GPRIN3: variants seen among roughly 807,000 people sequenced by gnomAD.
The protein encoded by GPRIN3 is GPRIN family member 3, also known as G protein-regulated inducer of neurite outgrowth 3.
Under a neutral mutation model 13.7 loss-of-function variants are expected in GPRIN3, and 12 were observed. The ratio of observed to expected loss-of-function variants is 0.87; its 90% CI spans 0.56 to 1.42. The LOEUF (loss-of-function observed/expected upper bound fraction) is 1.42. Among genes scored for constraint, GPRIN3 ranks in the 40% most tolerant of loss-of-function variants. The probability of loss-of-function intolerance (pLI) is 0.00; values close to 1 mark genes in which losing one functional copy is unlikely to be tolerated. For missense variants in GPRIN3, 1,009 were observed against 958.7 expected, an observed-to-expected ratio of 1.05 and a Z score of -0.69; for synonymous variants, 377 against 372.7, an observed-to-expected ratio of 1.01 and a Z score of -0.13.
In GPRIN3 at chr4:89,247,748, A is replaced by G; in HGVS notation, c.*32T>C. 6.4e-7 allele frequency: 1 copy of G among 1,563,802 alleles called. No homozygotes were observed. The highest frequency in any genetic ancestry group is 8.7e-7 in the Non-Finnish European group (1 of 1,153,042). On this transcript the variant is annotated 3_prime_UTR_variant, in exon 2 of 2. Transcript: ENST00000609438. ...AGAGGGACGCATGTGAATACCGTAA[A>G]TTTATACACAAACTCCCATAAATAC...
At chr4:89,269,446 A>C (rs1466152399) in intron 1 of GPRIN3, among the ~76,000 whole-genome samples, 1 of 152,100 alleles carries the variant, frequency 6.6e-6, no homozygotes, top group African/African-American at 2.4e-5. Flanking sequence ...TACAAGCCCC[A>C]TCTGCGCAGT....
chr4:89,248,697 A>T lies in GPRIN3; in HGVS notation c.1414T>A (p.Ser472Thr). ...TCAGCTTGACTGCATGCACTGATAG[A>T]AATCTGGTCAATGGCGGTAGCTTTC... Reference protein sequence around the residue: ...SLKATAIDQISISACSQAETS... With the variant: ...SLKATAIDQITISACSQAETS... Residue 472 changes from serine (S) to threonine (T), a missense_variant, in exon 2 of 2, where the codon TCT becomes ACT. Transcript: ENST00000609438. The T allele has an allele frequency of 6.2e-7, 1 of 1,614,162 alleles. No homozygotes were observed. The highest frequency in any genetic ancestry group is 8.5e-7 in the Non-Finnish European group (1 of 1,180,022).
chr4:89,256,996 G>A (rs1723483943), intron 1 of GPRIN3, among the ~76,000 whole-genome samples: 1 of 152,200 alleles, frequency 6.6e-6, no homozygotes, highest in African/African-American at 2.4e-5. Flanking sequence ...ACAGCCACAG[G>A]CTGGGAAGAG....
Position 89,248,818 on chromosome 4 carries a change from C to A in GPRIN3, c.1293G>T (p.Gln431His), listed in dbSNP as rs375829856. Residue 431 changes from glutamine (Q) to histidine (H), a missense_variant, in exon 2 of 2, where the codon CAG becomes CAT. Coordinates refer to ENST00000609438, the MANE Select transcript of GPRIN3 (RefSeq NM_198281.3). Reference sequence around the variant, plus strand: ...ACCTCCCATCTTCTTTACACGTATGCTGGGCATTACTGGAGACCAAATTGA... The same window carrying A: ...ACCTCCCATCTTCTTTACACGTATGATGGGCATTACTGGAGACCAAATTGA... ...SSINLVSSNA[Q>H]HTCKEDGRLA... 5.0e-6 allele frequency: 8 copies of A among 1,614,062 alleles called. No individual in the cohort carries two copies. The highest frequency in any genetic ancestry group is 6.8e-6 in the Non-Finnish European group (8 of 1,180,018).
Position 89,247,027 on chromosome 4 carries a change from G to A in GPRIN3, c.*753C>T, listed in dbSNP as rs191978953. 12 of 152,234 alleles carry A rather than the reference G, an allele frequency of 7.9e-5. No individual in the cohort carries two copies. The highest frequency in any genetic ancestry group is 4.6e-4 in the Admixed American group (7 of 15,288). 9.4% of individuals were successfully genotyped at this position (152,234 alleles called of 1,614,324 possible). ...TGTCTGGTCAGAATCACAGAGATGC[G>A]CCTTGCCTTCAGTGCAGGAAAATGG... On this transcript the variant is annotated 3_prime_UTR_variant, in exon 2 of 2. Transcript: ENST00000609438.
At chr4:89,289,124 C>G (rs1724502768) in intron 1 of GPRIN3, among the ~76,000 whole-genome samples, 2 of 150,158 alleles carry the variant, frequency 1.3e-5, no homozygotes, top group African/African-American at 2.5e-5. Context: ...CCTCTTCTTT[C>G]CTGTCCTTGA....
chr4:89,291,830 C>CTTT lies in GPRIN3; in HGVS notation c.-124+15782_-124+15784dup, dbSNP rs33981386. ...TTACCAACACTTGGTACTGTCAGGG[C>CTTT]TTTTTTTTTTTTTTTTTTCTCTACT... On this transcript the variant is annotated intron_variant, in intron 1 of 1. Transcript: ENST00000609438. Among the ~76,000 whole-genome samples, 251 of 115,846 alleles carry CTTT rather than the reference C, an allele frequency of 2.2e-3. 1 individual carries two copies. Among genetic ancestry groups the CTTT allele is most frequent in the Middle Eastern group, 9.0e-3 (2 of 222 alleles). 76.0% of individuals were successfully genotyped at this position (115,846 alleles called of 152,430 possible). A position where few individuals can be genotyped will look rare whatever the true frequency, so the allele number is the denominator to read the frequency against.
intron 1 of GPRIN3, among the ~76,000 whole-genome samples, chr4:89,289,193 G>T (rs190191568): frequency 1.3e-5 from 2 of 150,240 alleles, no homozygotes; most frequent in East Asian, 3.9e-4. Flanking sequence ...TTCAAGCCAG[G>T]CATCTCCCTT....
intron 1 of GPRIN3, among the ~76,000 whole-genome samples, chr4:89,301,710 A>C (rs1724902915): frequency 6.6e-6 from 1 of 152,240 alleles, no homozygotes; most frequent in Non-Finnish European, 1.5e-5. Context: ...ACTTGGATGG[A>C]CTATTTGCAA....
intron 1 of GPRIN3, among the ~76,000 whole-genome samples, chr4:89,298,702 T>TA (rs1724810116): frequency 6.6e-6 from 1 of 151,964 alleles, no homozygotes; most frequent in Non-Finnish European, 1.5e-5. Context: ...AAGTGCTCGA[T>TA]ACAGATTTAT....
intron 1 of GPRIN3, among the ~76,000 whole-genome samples, chr4:89,285,081 CA>C (rs1457975624): frequency 7.9e-5 from 12 of 152,150 alleles, no homozygotes; most frequent in African/African-American, 2.9e-4. Context: ...AGGGGACAGA[CA>C]GCTTTGACTC....
At chr4:89,283,577 A>G (rs1011729392) in intron 1 of GPRIN3, among the ~76,000 whole-genome samples, 1 of 152,104 alleles carries the variant, frequency 6.6e-6, no homozygotes, top group Non-Finnish European at 1.5e-5. Flanking sequence ...ATAAAGGGAG[A>G]CTGGACTACG....
At chr4:89,270,243 A>G (rs879755226) in intron 1 of GPRIN3, among the ~76,000 whole-genome samples, 2 of 152,036 alleles carry the variant, frequency 1.3e-5, no homozygotes, top group Non-Finnish European at 2.9e-5. Context: ...AAGATGGTAG[A>G]TTAATATTGA....
chr4:89,240,007 T>C lies in GPRIN3; in HGVS notation c.*7773A>G, dbSNP rs1455552581. On this transcript the variant is annotated 3_prime_UTR_variant, in exon 2 of 2. Coordinates refer to ENST00000609438, the MANE Select transcript of GPRIN3 (RefSeq NM_198281.3). ...GATACCCAACCAACGTAATTTTTAG[T>C]GTCGAGGATTCAAGGTCAAATTGTG... 1.3e-5 allele frequency: 2 copies of C among 152,168 alleles called. No homozygotes were observed. Among genetic ancestry groups the C allele is most frequent in the African/African-American group, 4.8e-5 (2 of 41,434 alleles). The allele number at this position is 152,168 out of a possible 1,614,324, so 9.4% of individuals were successfully genotyped here. A position where few individuals can be genotyped will look rare whatever the true frequency, so the allele number is the denominator to read the frequency against.
At position 89,287,358 on chromosome 4, in the gene GPRIN3, T is replaced by C. The variant is rs549120022; in HGVS notation, c.-124+20257A>G. Among the ~76,000 whole-genome samples, 11 of 152,360 alleles carry C rather than the reference T, an allele frequency of 7.2e-5. No individual in the cohort carries two copies. In the South Asian group the frequency reaches 2.3e-3, roughly 32 times the overall value. On this transcript the variant is annotated intron_variant, in intron 1 of 1. Coordinates refer to ENST00000609438, the MANE Select transcript of GPRIN3 (RefSeq NM_198281.3). Reference sequence around the variant, plus strand: ...TGCATATAATTTTATTTCCTTAAGCTACTGAAATTTTGGGGTTGTATATGT... The same window carrying C: ...TGCATATAATTTTATTTCCTTAAGCCACTGAAATTTTGGGGTTGTATATGT...
intron 1 of GPRIN3, among the ~76,000 whole-genome samples, chr4:89,302,756 C>T (rs1312243447): frequency 6.6e-6 from 1 of 152,108 alleles, no homozygotes; most frequent in Non-Finnish European, 1.5e-5. Context: ...AATGCAGACT[C>T]TAAATGTTTT....
intron 1 of GPRIN3, among the ~76,000 whole-genome samples, chr4:89,307,198 A>C (rs1041817858): frequency 7.9e-5 from 12 of 152,162 alleles, no homozygotes; most frequent in Admixed American, 3.3e-4. Flanking sequence ...ACACATACAT[A>C]CATCCATATG....
In GPRIN3 at chr4:89,244,010, C is replaced by T. The variant is rs928623283; in HGVS notation, c.*3770G>A. 1 of 152,186 alleles carries T rather than the reference C, an allele frequency of 6.6e-6. No homozygotes were observed. Among genetic ancestry groups the T allele is most frequent in the African/African-American group, 2.4e-5 (1 of 41,446 alleles). The allele number at this position is 152,186 out of a possible 1,614,324, so 9.4% of individuals were successfully genotyped here. A position where few individuals can be genotyped will look rare whatever the true frequency, so the allele number is the denominator to read the frequency against. ...GAAAAGGACAAACAATTTATATTAA[C>T]AGCACACTTGCATATATCCTCTGTA... On this transcript the variant is annotated 3_prime_UTR_variant, in exon 2 of 2. Transcript: ENST00000609438.
At chr4:89,274,531 T>C (rs1724043134) in intron 1 of GPRIN3, among the ~76,000 whole-genome samples, 3 of 152,224 alleles carry the variant, frequency 2.0e-5, no homozygotes, top group Admixed American at 1.3e-4. Context: ...AGTAATCATG[T>C]TGATTTTCAC....
Sources: allele counts gnomAD v4.1 joint callset (sites outside exome capture counted in the v4.1 genomes callset), GRCh38; gene constraint gnomAD v4.1.1; transcripts MANE v1.5; gene names NCBI Gene and HGNC (gene_info 2026-07-23, HGNC 2026-07-21).